SLC9A7: variants seen among roughly 807,000 people sequenced by gnomAD.
The protein encoded by SLC9A7 is sodium/hydrogen exchanger 7.
In SLC9A7, 19 loss-of-function variants were observed where a neutral mutation model predicts 52.6. The observed-to-expected ratio is 0.36, with a 90% CI of 0.25 to 0.53. The LOEUF is 0.53. Among genes scored for constraint, SLC9A7 ranks in the 20% least tolerant of loss-of-function variants. SLC9A7 has a pLI of 0.91. For missense variants in SLC9A7, 455 were observed against 597.9 expected, an observed-to-expected ratio of 0.76 and a Z score of 2.49; for synonymous variants, 226 against 252.1, an observed-to-expected ratio of 0.90 and a Z score of 0.98.
chrX:46,747,110 G>A (rs1176587871), intron 1 of SLC9A7, among the ~76,000 whole-genome samples: 4 of 111,751 alleles, frequency 3.6e-5, no homozygotes, highest in African/African-American at 1.3e-4. Context: ...TGAAGATAAA[G>A]AGTAGACTAG....
intron 5 of SLC9A7, among the ~76,000 whole-genome samples, chrX:46,663,748 T>C (rs908187522): frequency 3.7e-5 from 4 of 108,133 alleles, no homozygotes; most frequent in Admixed American, 2.0e-4. Context: ...ATCCCTGAGG[T>C]TGGGAGTTCG....
chrX:46,755,532 C>T (rs1220295491), intron 1 of SLC9A7, among the ~76,000 whole-genome samples: 1 of 111,058 alleles, frequency 9.0e-6, no homozygotes, highest in Non-Finnish European at 1.9e-5. Context: ...TTGAGGAGCA[C>T]GTTAAAATGC....
intron 1 of SLC9A7, among the ~76,000 whole-genome samples, chrX:46,688,056 A>G (rs188477546): frequency 1.5e-3 from 171 of 112,393 alleles, no homozygotes; most frequent in African/African-American, 5.2e-3. Context: ...GTACCAGTGT[A>G]TCATATTTTA....
intron 16 of SLC9A7, among the ~76,000 whole-genome samples, chrX:46,610,286 A>G (rs1942827429): frequency 8.9e-6 from 1 of 112,816 alleles, no homozygotes; most frequent in Non-Finnish European, 1.9e-5. Context: ...CAAAAGTGAA[A>G]GAACATTGTT....
chrX:46,625,967 T>C (rs1433816035), intron 14 of SLC9A7, among the ~76,000 whole-genome samples: 1 of 111,521 alleles, frequency 9.0e-6, no homozygotes, highest in Non-Finnish European at 1.9e-5. Context: ...AGAAACCAGC[T>C]GAGCCCACCA....
chrX:46,705,305 G>GT (rs1569521000), intron 1 of SLC9A7, among the ~76,000 whole-genome samples: 1 of 112,270 alleles, frequency 8.9e-6, no homozygotes, highest in Non-Finnish European at 1.9e-5. Context: ...CTAAAAAGGG[G>GT]TACAATCAGG....
At chrX:46,639,795 C>CAAAAAAAAAAAAAAA (rs57733200) in intron 12 of SLC9A7, among the ~76,000 whole-genome samples, 1 of 90,309 alleles carries the variant, frequency 1.1e-5, no homozygotes, top group Non-Finnish European at 2.2e-5. Flanking sequence ...AAGAATCTAC[C>CAAAAAAAAAAAAAAA]AAAAAAAAAA....
In SLC9A7 at chrX:46,661,378, TA is replaced by T. The variant is rs759108907; in HGVS notation, c.1041+637del. Among the ~76,000 whole-genome samples, 875 of 107,608 alleles carry T rather than the reference TA, an allele frequency of 8.1e-3. 8 individuals carry two copies. Among genetic ancestry groups the T allele is most frequent in the African/African-American group, 0.026 (754 of 29,450 alleles). The allele number at this position is 107,608 out of a possible 115,157, so 93.4% of individuals were successfully genotyped here. A position where few individuals can be genotyped will look rare whatever the true frequency, so the allele number is the denominator to read the frequency against. ...CCTAAAACTTAAAGTATAATAATAA[TA>T]AAAAAAAAGAAAAAAAAATTATTTT... On this transcript the variant is annotated intron_variant, in intron 7 of 16. Coordinates refer to ENST00000616978, the MANE Select transcript of SLC9A7 (RefSeq NM_001257291.2).
At chrX:46,757,225 C>A (rs1556293065) in intron 1 of SLC9A7, among the ~76,000 whole-genome samples, 1 of 112,297 alleles carries the variant, frequency 8.9e-6, no homozygotes, top group Non-Finnish European at 1.9e-5. Flanking sequence ...TACCTGCAGG[C>A]CTGGCATCAG....
chrX:46,738,027 AAAAAAAAGAAAGAAAGAAAGAAAG>A (rs1569525214), intron 1 of SLC9A7, among the ~76,000 whole-genome samples: 4 of 88,109 alleles, frequency 4.5e-5, no homozygotes, highest in African/African-American at 1.9e-4. Context: ...ACCCTGTCTC[AAAAAAAAGAAAGAAAGAAAGAAAG>A]AAAGAAAGAA....
intron 1 of SLC9A7, among the ~76,000 whole-genome samples, chrX:46,738,035 GAAAGAAAGAAA>G (rs1945152573): frequency 3.0e-4 from 1 of 3,303 alleles, no homozygotes; most frequent in African/African-American, 1.2e-3. Flanking sequence ...TCAAAAAAAA[GAAAGAAAGAAA>G]GAAAGAAAGA....
intron 1 of SLC9A7, among the ~76,000 whole-genome samples, chrX:46,691,506 C>CCT (rs1460697384): frequency 8.9e-6 from 1 of 112,017 alleles, no homozygotes; most frequent in East Asian, 2.8e-4. Flanking sequence ...GCACAAAGTA[C>CCT]CTCTCTGCTG....
chrX:46,636,416 G>A (rs1286711343), intron 12 of SLC9A7, among the ~76,000 whole-genome samples: 3 of 110,333 alleles, frequency 2.7e-5, no homozygotes, highest in Admixed American at 1.9e-4. Flanking sequence ...CAGAGTCTCC[G>A]GCTTTCACCC....
intron 11 of SLC9A7, among the ~76,000 whole-genome samples, chrX:46,645,275 C>A (rs1460274133): frequency 8.9e-6 from 1 of 112,220 alleles, no homozygotes; most frequent in Non-Finnish European, 1.9e-5. Flanking sequence ...CTGGCATATT[C>A]CTAATATGTA....
chrX:46,651,557 G>A (rs1200615048), intron 8 of SLC9A7, among the ~76,000 whole-genome samples, 153 bp from the exon 9 acceptor site: 1 of 111,718 alleles, frequency 9.0e-6, no homozygotes, highest in Non-Finnish European at 1.9e-5. Context: ...GTCGGGCGCA[G>A]TGGCTCACAC....
intron 7 of SLC9A7, among the ~76,000 whole-genome samples, chrX:46,655,564 G>A (rs996719996): frequency 8.0e-5 from 9 of 112,190 alleles, no homozygotes; most frequent in East Asian, 2.8e-4. Flanking sequence ...CTTGGGAAGC[G>A]CAAGGGGTCA....
At position 46,604,821 on chromosome X, in the gene SLC9A7, TTAAA is replaced by T. The variant is rs978798627; in HGVS notation, c.*2127_*2130del. Reference sequence around the variant, plus strand: ...AGCAAACTCATATGGCTCAACCTAATTAAATACGTATTTTCCTGATTTGCACAAA... The same window carrying T: ...AGCAAACTCATATGGCTCAACCTAATTACGTATTTTCCTGATTTGCACAAA... On this transcript the variant is annotated 3_prime_UTR_variant, in exon 17 of 17. Transcript: ENST00000616978. 2 of 112,544 alleles carry T rather than the reference TTAAA, an allele frequency of 1.8e-5. No individual in the cohort carries two copies. Among genetic ancestry groups the T allele is most frequent in the African/African-American group, 6.5e-5 (2 of 30,955 alleles). 9.3% of individuals were successfully genotyped at this position (112,544 alleles called of 1,213,427 possible).
intron 1 of SLC9A7, among the ~76,000 whole-genome samples, chrX:46,687,359 G>C (rs182125418): frequency 2.7e-4 from 30 of 112,017 alleles, no homozygotes; most frequent in African/African-American, 9.7e-4. Flanking sequence ...CAGCACAGTA[G>C]GGGTTGTTAT....
chrX:46,691,136 A>G (rs940538404), intron 1 of SLC9A7, among the ~76,000 whole-genome samples: 2 of 109,661 alleles, frequency 1.8e-5, no homozygotes, highest in Non-Finnish European at 3.8e-5. Flanking sequence ...TACAGAGACT[A>G]AATAGTTATT....
Sources: gnomAD v4.1 joint callset for allele counts (sites outside exome capture counted in the v4.1 genomes callset) on GRCh38, gnomAD v4.1.1 for gene constraint, MANE v1.5 for transcripts, NCBI Gene and HGNC (gene_info 2026-07-23, HGNC 2026-07-21) for gene names.